Variants in SAMD5 observed in about 807,000 individuals in gnomAD.
The protein encoded by SAMD5 is sterile alpha motif domain-containing protein 5.
Under a neutral mutation model 11.3 loss-of-function variants are expected in SAMD5, and 13 were observed. The observed-to-expected ratio is 1.15, with a 90% CI of 0.75 to 1.83. SAMD5 has a LOEUF of 1.83. Ranked by LOEUF, SAMD5 falls within the 40% of genes most tolerant of loss-of-function variation. The pLI is 0.00. For missense variants in SAMD5, 255 were observed against 239.1 expected (o/e 1.07, Z -0.44); for synonymous variants, 129 against 111.3 (o/e 1.16, Z -1.00).
At chr6:147,753,498 A>G in the SAMD5 span, among the ~76,000 whole-genome samples, 1 of 152,182 alleles carries the variant, frequency 6.6e-6, no homozygotes. Flanking sequence ...ATGTAAAATA[A>G]GCATATCATG....
the SAMD5 span, among the ~76,000 whole-genome samples, chr6:147,889,740 G>A: frequency 6.6e-6 from 1 of 152,140 alleles, no homozygotes; most frequent in Non-Finnish European, 1.5e-5. Flanking sequence ...CACTACTCCT[G>A]GGCTCTGTGT....
chr6:147,703,319 A>G (rs983826734), intron 1 of SAMD5, among the ~76,000 whole-genome samples: 1 of 152,224 alleles, frequency 6.6e-6, no homozygotes, highest in Non-Finnish European at 1.5e-5. Flanking sequence ...TGATCTGCCC[A>G]CCTCAGCATC....
intron 1 of SAMD5, among the ~76,000 whole-genome samples, chr6:147,678,788 TTTAAAACAC>T (rs1274557328): frequency 6.6e-6 from 1 of 152,168 alleles, no homozygotes; most frequent in Non-Finnish European, 1.5e-5. Flanking sequence ...GCTCTCTTTT[TTTAAAACAC>T]CTTTAATGAG....
intron 1 of SAMD5, among the ~76,000 whole-genome samples, chr6:147,709,727 A>C (rs1230734609): frequency 6.6e-6 from 1 of 152,202 alleles, no homozygotes; most frequent in Non-Finnish European, 1.5e-5. Context: ...AGCTTATTTG[A>C]TTAGCTCAAA....
chr6:147,633,201 T>C (rs1176445248), intron 1 of SAMD5, among the ~76,000 whole-genome samples: 7 of 152,202 alleles, frequency 4.6e-5, no homozygotes, highest in Non-Finnish European at 8.8e-5. Flanking sequence ...AATACAGCAT[T>C]CCAGAAGCAA....
chr6:147,652,623 T>C (rs1464131887), intron 1 of SAMD5, among the ~76,000 whole-genome samples: 1 of 152,164 alleles, frequency 6.6e-6, no homozygotes, highest in Non-Finnish European at 1.5e-5. Flanking sequence ...GGGCTCCTCA[T>C]CTCGGATCCC....
At chr6:147,737,448 AT>A in exon 2 of SAMD5, 1 of 806,816 alleles carries the variant, frequency 1.2e-6, no homozygotes, top group South Asian at 1.5e-5. Context: ...TGGACACATA[AT>A]TTTGCCTCCA....
Position 147,567,465 on chromosome 6 carries a change from G to C in SAMD5, c.*3009G>C. On this transcript the variant is annotated 3_prime_UTR_variant, in exon 2 of 2. Coordinates refer to ENST00000367474, the MANE Select transcript of SAMD5 (RefSeq NM_001030060.3). ...GAATCTGTTAAGGATGTAAGCTATA[G>C]TGTAGCTTGGGGAATCATCTTGAAC... 10 of 979,108 alleles carry C rather than the reference G, an allele frequency of 1.0e-5. No individual in the cohort carries two copies. Among genetic ancestry groups the C allele is most frequent in the African/African-American group, 1.7e-5 (1 of 57,220 alleles). 60.7% of individuals were successfully genotyped at this position (979,108 alleles called of 1,614,324 possible).
intron 1 of SAMD5, among the ~76,000 whole-genome samples, chr6:147,672,661 T>C (rs2128455637): frequency 6.6e-6 from 1 of 151,438 alleles, no homozygotes; most frequent in East Asian, 2.0e-4. Flanking sequence ...CCCACCCTTA[T>C]CCCCCACATC....
chr6:147,929,022 A>G, the SAMD5 span, among the ~76,000 whole-genome samples: 1 of 151,728 alleles, frequency 6.6e-6, no homozygotes. Context: ...GTCCAAGAGT[A>G]CATTTGTGGT....
chr6:147,756,612 CAT>C, the SAMD5 span, among the ~76,000 whole-genome samples: 1 of 152,044 alleles, frequency 6.6e-6, no homozygotes, highest in African/African-American at 2.4e-5. Context: ...TTAATTTTAC[CAT>C]TTAGGAGTCA....
At chr6:147,933,160 TAGG>T in the SAMD5 span, among the ~76,000 whole-genome samples, 1 of 152,102 alleles carries the variant, frequency 6.6e-6, no homozygotes, top group Admixed American at 6.6e-5. Flanking sequence ...TCATCCAGGA[TAGG>T]AGATTTGATA....
chr6:147,514,841 A>G (rs1251468604), intron 1 of SAMD5, among the ~76,000 whole-genome samples: 2 of 152,208 alleles, frequency 1.3e-5, no homozygotes, highest in African/African-American at 4.8e-5. Context: ...ATGAGGTAAC[A>G]AGAATCTCAT....
intron 1 of SAMD5, among the ~76,000 whole-genome samples, chr6:147,541,032 C>T (rs1008277373): frequency 2.7e-5 from 4 of 150,206 alleles, no homozygotes; most frequent in Admixed American, 1.3e-4. Context: ...GCACTGCAAC[C>T]TCCGCCTCCT....
At chr6:147,833,867 C>T in the SAMD5 span, among the ~76,000 whole-genome samples, 8 of 152,252 alleles carry the variant, frequency 5.3e-5, no homozygotes, top group African/African-American at 1.4e-4. Context: ...GTGACCTTTC[C>T]AGTCCTGTGT....
chr6:147,551,826 A>ATATATATATATC (rs1455882903), intron 1 of SAMD5, among the ~76,000 whole-genome samples: 1 of 146,412 alleles, frequency 6.8e-6, no homozygotes, highest in African/African-American at 2.5e-5. Context: ...ATATATATAT[A>ATATATATATATC]TATATATATA....
At position 147,699,560 on chromosome 6, in the gene SAMD5, A is replaced by G. The variant is rs141348825; in HGVS notation, c.163-37757A>G. On this transcript the variant is annotated intron_variant, in intron 1 of 1. Coordinates refer to the SAMD5 transcript ENST00000566741. ...AAATTCTGATGATGTTAAAAATGCAAATAGTTTTCACACCAGATTAATTCA... is the reference window on the plus strand; with the variant it reads ...AAATTCTGATGATGTTAAAAATGCAGATAGTTTTCACACCAGATTAATTCA... Among the ~76,000 whole-genome samples, 584 of 152,338 alleles carry G rather than the reference A, an allele frequency of 3.8e-3. 4 individuals are homozygous for G. The highest frequency in any genetic ancestry group is 0.014 in the African/African-American group (562 of 41,582).
chr6:147,696,449 T>C (rs896785283), intron 1 of SAMD5, among the ~76,000 whole-genome samples: 2 of 152,200 alleles, frequency 1.3e-5, no homozygotes, highest in African/African-American at 4.8e-5. Flanking sequence ...GCAGTCATCC[T>C]GGGCTTCTGC....
the SAMD5 span, among the ~76,000 whole-genome samples, chr6:147,794,419 ATTAC>A: frequency 1.1e-4 from 17 of 152,152 alleles, no homozygotes; most frequent in Non-Finnish European, 2.9e-5. Context: ...TTCTTTAATT[ATTAC>A]TTAACATCAT....
Sources: allele counts gnomAD v4.1 joint callset (sites outside exome capture counted in the v4.1 genomes callset), GRCh38; gene constraint gnomAD v4.1.1; transcripts MANE v1.5; gene names NCBI Gene and HGNC (gene_info 2026-07-23, HGNC 2026-07-21).